The following EPB41L3 variants were observed in gnomAD, a reference collection of about 807,000 sequenced individuals.
EPB41L3 encodes the protein band 4.1-like protein 3.
EPB41L3 carries 57 observed loss-of-function variants against 127.1 expected under a neutral mutation model. The ratio of observed to expected loss-of-function variants is 0.45; its 90% CI spans 0.36 to 0.56. EPB41L3 has a LOEUF of 0.56. Among genes scored for constraint, EPB41L3 ranks in the 20% least tolerant of loss-of-function variants. The pLI, the probability that EPB41L3 is intolerant of heterozygous loss-of-function variation, is 0.00. For synonymous variants in EPB41L3, 572 were observed against 549.5 expected (o/e 1.04, Z -0.57); for missense variants, 1,273 against 1,372.2 (o/e 0.93, Z 1.14).
chr18:5,442,208 T>C (rs192765703), intron 5 of EPB41L3, among the ~76,000 whole-genome samples: 211 of 152,302 alleles, frequency 1.4e-3, no homozygotes, highest in Non-Finnish European at 2.3e-3. Flanking sequence ...ATATTTATCT[T>C]AATTTTTTTC....
intron 1 of EPB41L3, among the ~76,000 whole-genome samples, chr18:5,533,772 C>T (rs978457088): frequency 6.6e-6 from 1 of 152,128 alleles, no homozygotes; most frequent in Non-Finnish European, 1.5e-5. Flanking sequence ...TATCATTATC[C>T]CTATTTAATA....
At chr18:5,539,009 T>C (rs1292052071) in intron 1 of EPB41L3, among the ~76,000 whole-genome samples, 1 of 151,584 alleles carries the variant, frequency 6.6e-6, no homozygotes, top group East Asian at 1.9e-4. Context: ...TTTTTTTTTT[T>C]TTTTTTTTTG....
rs375614587 is a variant in EPB41L3 at position 5,407,663 on chromosome 18, T to C, written c.2157+38A>G. Reference sequence around the variant, plus strand: ...AATGACTTATCACACACTGTTGTTTTGTTGTTGTTGTTGTTTGTTTTATTT... The same window carrying C: ...AATGACTTATCACACACTGTTGTTTCGTTGTTGTTGTTGTTTGTTTTATTT... On this transcript the variant is annotated intron_variant, in intron 15 of 22. Transcript: ENST00000341928. The C allele has an allele frequency of 2.5e-6, 4 of 1,591,852 alleles. No homozygotes were observed. In the African/African-American group the frequency reaches 5.4e-5, roughly 21 times the overall value.
intron 8 of EPB41L3, chr18:5,429,332 T>A (rs1460829789): frequency 6.6e-6 from 1 of 152,190 alleles, no homozygotes; most frequent in Non-Finnish European, 1.5e-5. Context: ...CCAGAGGTCA[T>A]CAGAGACGTT....
chr18:5,522,056 T>C (rs1027441968), intron 1 of EPB41L3, among the ~76,000 whole-genome samples: 39 of 152,178 alleles, frequency 2.6e-4, no homozygotes, highest in African/African-American at 7.0e-4. Context: ...GGGTTATCTT[T>C]AGAACAGACA....
intron 1 of EPB41L3, among the ~76,000 whole-genome samples, chr18:5,628,643 C>T (rs1370574310): frequency 6.6e-6 from 1 of 152,258 alleles, no homozygotes; most frequent in Non-Finnish European, 1.5e-5. Flanking sequence ...AGGTCGCCAG[C>T]CCGAGCGAGC....
chr18:5,606,865 T>C (rs1416872025), intron 3 of EPB41L3, among the ~76,000 whole-genome samples: 1 of 149,358 alleles, frequency 6.7e-6, no homozygotes, highest in Non-Finnish European at 1.5e-5. Flanking sequence ...CCCTAACACC[T>C]GCCCACCATG....
At chr18:5,455,977 C>T (rs1190594923) in intron 3 of EPB41L3, among the ~76,000 whole-genome samples, 7 of 151,974 alleles carry the variant, frequency 4.6e-5, no homozygotes, top group African/African-American at 9.7e-5. Flanking sequence ...TTCTGAATGA[C>T]GTGAAACTTT....
chr18:5,628,424 G>C (rs1035331876), intron 1 of EPB41L3, among the ~76,000 whole-genome samples: 3 of 152,238 alleles, frequency 2.0e-5, no homozygotes, highest in African/African-American at 7.2e-5. Flanking sequence ...GTGCCTGTGA[G>C]AGAGCCCCAA....
chr18:5,396,399 T>C, intron 18 of EPB41L3, 67 bp from the exon 19 acceptor site: 1 of 1,592,630 alleles, frequency 6.3e-7, no homozygotes, highest in Non-Finnish European at 8.6e-7. Flanking sequence ...TTCTTCCTTT[T>C]CCTCTCTTGG....
intron 3 of EPB41L3, among the ~76,000 whole-genome samples, chr18:5,565,467 A>T (rs1192203278): frequency 6.7e-6 from 1 of 149,866 alleles, no homozygotes; most frequent in African/African-American, 2.5e-5. Flanking sequence ...TTTTTTTTTT[A>T]ATTATACTTT....
At chr18:5,446,038 T>G (rs906872200) in intron 3 of EPB41L3, among the ~76,000 whole-genome samples, 3 of 152,168 alleles carry the variant, frequency 2.0e-5, no homozygotes. Context: ...TGAGAAGAAT[T>G]AACCCTGCTC....
intron 1 of EPB41L3, among the ~76,000 whole-genome samples, chr18:5,619,460 A>C (rs559087630): frequency 5.9e-5 from 9 of 152,190 alleles, no homozygotes; most frequent in Admixed American, 2.6e-4. Context: ...TCCCATATCA[A>C]CTCATTTCCA....
intron 3 of EPB41L3, among the ~76,000 whole-genome samples, chr18:5,550,493 G>A (rs1411761066): frequency 6.6e-6 from 1 of 152,008 alleles, no homozygotes; most frequent in Non-Finnish European, 1.5e-5. Flanking sequence ...ACTTAAATCT[G>A]GTTTTACATC....
chr18:5,612,565 A>C (rs1017623975), intron 2 of EPB41L3: 2 of 152,234 alleles, frequency 1.3e-5, no homozygotes, highest in South Asian at 4.1e-4. Flanking sequence ...TGTTCATCTC[A>C]CTGCAGATAT....
chr18:5,402,297 T>C (rs1001191199), intron 16 of EPB41L3, among the ~76,000 whole-genome samples: 1 of 151,534 alleles, frequency 6.6e-6, no homozygotes, highest in Non-Finnish European at 1.5e-5. Flanking sequence ...TTTTTTTTGC[T>C]TTTAATCATA....
intron 3 of EPB41L3, among the ~76,000 whole-genome samples, chr18:5,566,080 C>T (rs2094194803): frequency 6.6e-6 from 1 of 152,282 alleles, no homozygotes; most frequent in Non-Finnish European, 1.5e-5. Flanking sequence ...TCTCTCACCA[C>T]TCCTATTCAA....
At chr18:5,489,327 C>G in intron 1 of EPB41L3, 133 bp from the exon 2 acceptor site, 1 of 1,011,922 alleles carries the variant, frequency 9.9e-7, no homozygotes, top group Non-Finnish European at 1.4e-6. Context: ...CCATCCTATT[C>G]CACACACTGG....
At chr18:5,536,817 T>A (rs913656954) in intron 1 of EPB41L3, among the ~76,000 whole-genome samples, 6 of 152,026 alleles carry the variant, frequency 3.9e-5, no homozygotes, top group Non-Finnish European at 7.4e-5. Flanking sequence ...GGCAACAGAG[T>A]GAGACTCTGT....
Sources: gnomAD v4.1 joint callset for allele counts (sites outside exome capture counted in the v4.1 genomes callset) on GRCh38, gnomAD v4.1.1 for gene constraint, MANE v1.5 for transcripts, NCBI Gene and HGNC (gene_info 2026-07-23, HGNC 2026-07-21) for gene names.